Variants in DDX51 observed in about 807,000 individuals in gnomAD.
DDX51 encodes the protein ATP-dependent RNA helicase DDX51.
In DDX51, 67 loss-of-function variants were observed where a neutral mutation model predicts 74.6. The observed-to-expected ratio is 0.90, with a 90% confidence interval of 0.74 to 1.10. The LOEUF is 1.10. Among genes scored for constraint, DDX51 ranks in the 50% least tolerant of loss-of-function variants. The pLI, the probability that DDX51 is intolerant of heterozygous loss-of-function variation, is 0.00. For missense variants in DDX51, 1,056 were observed against 905.2 expected (o/e 1.17, Z -2.14); for synonymous variants, 545 against 402.9 (o/e 1.35, Z -4.22).
At chr12:132,142,558 C>T in intron 3 of DDX51, 136 bp from the exon 4 acceptor site, 1 of 1,473,578 alleles carries the variant, frequency 6.8e-7, no homozygotes, top group South Asian at 1.3e-5. Flanking sequence ...GCACCAAGGC[C>T]CAGAGGAACG....
Position 132,140,826 on chromosome 12 carries a change from C to G in DDX51, c.1440+5G>C, listed in dbSNP as rs773842316. 54 of 1,613,402 alleles carry G rather than the reference C, an allele frequency of 3.3e-5. No individual in the cohort carries two copies. The highest frequency in any genetic ancestry group is 4.4e-5 in the Non-Finnish European group (52 of 1,179,984). On this transcript the variant is annotated splice_donor_5th_base_variant and intron_variant, in intron 9 of 14. Transcript: ENST00000397333. ...AACCCTCTGCCCACACGGTATCCCA[C>G]TCACCGTGAGCCCAACAGGAAAGGC...
In DDX51 at chr12:132,142,811, A is replaced by C. The variant is rs1474689065; in HGVS notation, c.587T>G (p.Leu196Arg). Residue 196 changes from leucine (L) to arginine (R), a missense_variant, in exon 3 of 15, where the codon CTG (leucine) becomes CGG (arginine). Transcript: ENST00000397333. Reference sequence around the variant, plus strand: ...GTCAGGGATGTCCTCGATAGGAACCAGGTCTTCGGTGACATTCCTTCTGAC... The same window carrying C: ...GTCAGGGATGTCCTCGATAGGAACCCGGTCTTCGGTGACATTCCTTCTGAC... ...NCVRRNVTED[L>R]VPIEDIPDVH... 6.2e-7 allele frequency: 1 copy of C among 1,613,080 alleles called. No homozygotes were observed. Among genetic ancestry groups the C allele is most frequent in the South Asian group, 1.1e-5 (1 of 91,086 alleles).
chr12:132,139,338 T>G, intron 14 of DDX51, 40 bp from the exon 15 acceptor site: 2 of 1,600,394 alleles, frequency 1.2e-6, no homozygotes, highest in Non-Finnish European at 1.7e-6. Flanking sequence ...ACACACTCTG[T>G]CCCCTCATCG....
In DDX51 at chr12:132,143,916, G is replaced by A; in HGVS notation, c.305-7C>T. 6.6e-7 allele frequency: 1 copy of A among 1,514,016 alleles called. No individual in the cohort carries two copies. Among genetic ancestry groups the A allele is most frequent in the East Asian group, 2.7e-5 (1 of 37,408 alleles). The allele number at this position is 1,514,016 out of a possible 1,614,324, so 93.8% of individuals were successfully genotyped here. ...GGCGCCTCCTCGTTGCTTTCTGCGA[G>A]GCAGACACCCACCCGGCAGCGCGTC... is the stretch of plus-strand genomic sequence containing the variant. On this transcript the variant is annotated splice_polypyrimidine_tract_variant and splice_region_variant and intron_variant, in intron 1 of 14. Transcript: ENST00000397333.
chr12:132,141,551 C>T lies in DDX51; in HGVS notation c.1051G>A (p.Val351Met), dbSNP rs1357419503. Residue 351 changes from valine to methionine, a missense_variant, in exon 7 of 15, where the codon GTG becomes ATG. By Grantham distance (21) the Val-to-Met change is conservative. Transcript: ENST00000397333. ...DIVVATPGRL[V>M]DHIDQTPGFS... ...CCTGGGGTCTGGTCGATGTGGTCCA[C>T]CAGGCGGCCGGGGGTGGCTACCACG... The T allele has an allele frequency of 6.2e-7, 1 of 1,604,676 alleles. No individual in the cohort carries two copies. The highest frequency in any genetic ancestry group is 1.3e-5 in the African/African-American group (1 of 74,966).
rs768272737 is a variant in DDX51, at chr12:132,139,797, G to C, written c.1840-28C>G. On this transcript the variant is annotated intron_variant, in intron 13 of 14. Transcript: ENST00000397333. ...GGAGAGAAGCTCATGGTGGAAGGGG[G>C]TTCTTGGGCCAGCCCCTTAACACCC... is the stretch of plus-strand genomic sequence containing the variant. 6 of 1,612,872 alleles carry C rather than the reference G, an allele frequency of 3.7e-6. No individual in the cohort carries two copies. In the South Asian group the frequency reaches 6.6e-5, roughly 18 times the overall value.
chr12:132,144,140 G>C lies in DDX51; in HGVS notation c.157C>G (p.Gln53Glu). The change falls in exon 1 of 15, where the codon CAG becomes GAG. Residue 53 changes from glutamine (Q) to glutamate (E), a missense_variant. Gln to Glu is a conservative substitution (Grantham distance 29). Transcript: ENST00000397333. ...TCGGTCGATGCAGCCGCCTCGGTCTGCGCGGGCTCCCGCTGCTGCTGCCGT... is the reference window on the plus strand; with the variant it reads ...TCGGTCGATGCAGCCGCCTCGGTCTCCGCGGGCTCCCGCTGCTGCTGCCGT... ...RERQQQREPA[Q>E]TEAAASTEPA... 8.4e-7 allele frequency: 1 copy of C among 1,188,834 alleles called. No individual in the cohort carries two copies. The highest frequency in any genetic ancestry group is 1.0e-6 in the Non-Finnish European group (1 of 961,240). 73.6% of individuals were successfully genotyped at this position (1,188,834 alleles called of 1,614,324 possible). A position where few individuals can be genotyped will look rare whatever the true frequency, so the allele number is the denominator to read the frequency against.
chr12:132,141,199 G>A (rs1897444723), intron 8 of DDX51, 76 bp downstream of exon 8: 3 of 1,514,768 alleles, frequency 2.0e-6, no homozygotes, highest in East Asian at 2.3e-5. Flanking sequence ...CCTTATCTCT[G>A]GGCATTAAGG....
rs1454180139 is a variant in DDX51, at chr12:132,136,893, ACCTCAGGTGATGCGCCTG to A, written c.*2361_*2378del. Reference sequence around the variant, plus strand: ...TGGCCAGGATGGTCTCGATCTCCTGACCTCAGGTGATGCGCCTGCCTCAGCCTCCCAAAGTGCTGGGAT... The same window carrying A: ...TGGCCAGGATGGTCTCGATCTCCTGACCTCAGCCTCCCAAAGTGCTGGGAT... On this transcript the variant is annotated 3_prime_UTR_variant, in exon 15 of 15. Coordinates refer to ENST00000397333, the MANE Select transcript of DDX51 (RefSeq NM_175066.4). 1 of 152,184 alleles carries A rather than the reference ACCTCAGGTGATGCGCCTG, an allele frequency of 6.6e-6. No individual in the cohort carries two copies. The highest frequency in any genetic ancestry group is 2.4e-5 in the African/African-American group (1 of 41,374). The allele number at this position is 152,184 out of a possible 1,614,324, so 9.4% of individuals were successfully genotyped here.
rs772659636 is a variant in DDX51, at chr12:132,140,754, G to T, written c.1441-19C>A. On this transcript the variant is annotated intron_variant, in intron 9 of 14. Transcript: ENST00000397333. ...AGTGGTGCTACAGGGACGGCAGGGGGTCGGGGTGGAGGTGAGGGTTGGTTA... is the reference window on the plus strand; with the variant it reads ...AGTGGTGCTACAGGGACGGCAGGGGTTCGGGGTGGAGGTGAGGGTTGGTTA... 27 of 1,612,904 alleles carry T rather than the reference G, an allele frequency of 1.7e-5. No individual in the cohort carries two copies. The highest frequency in any genetic ancestry group is 2.7e-5 in the African/African-American group (2 of 74,934).
intron 14 of DDX51, 141 bp downstream of exon 14, chr12:132,139,494 A>G (rs772430488): frequency 1.9e-6 from 3 of 1,569,588 alleles, no homozygotes; most frequent in Non-Finnish European, 2.6e-6. Context: ...CCCTTGGGCC[A>G]GAAGCTCGAG....
rs372914269 is a variant in DDX51 at position 132,140,840 on chromosome 12, A to C, written c.1431T>G (p.Val477=). Residue 477 remains valine (V), a synonymous_variant, in exon 9 of 15, where the codon GTT becomes GTG. Coordinates refer to ENST00000397333, the MANE Select transcript of DDX51 (RefSeq NM_175066.4). The stretch of plus-strand genomic sequence containing the variant: ...ACGGTATCCCACTCACCGTGAGCCC[A>C]ACAGGAAAGGCATACTTCCCCGAAT... ...DGDSGKYAFP[V]GLTHHYVPCS... The C allele has an allele frequency of 4.2e-5, 67 of 1,613,600 alleles. No individual in the cohort carries two copies. The African/African-American group carries it at 6.9e-4, about 17-fold the overall frequency.
chr12:132,141,706 G>A (rs1455812986), intron 6 of DDX51, 100 bp from the exon 7 acceptor site: 2 of 1,471,616 alleles, frequency 1.4e-6, no homozygotes, highest in Non-Finnish European at 1.8e-6. Context: ...ACCCCACATG[G>A]GAAGGGGGCC....
intron 2 of DDX51, chr12:132,143,249 G>C (rs960625642): frequency 2.0e-5 from 8 of 401,510 alleles, no homozygotes; most frequent in African/African-American, 1.4e-4. Flanking sequence ...CCAACTCAAA[G>C]AGAACCTCCT....
In DDX51 at chr12:132,136,820, CGCTCA is replaced by C. The variant is rs1024733905; in HGVS notation, c.*2447_*2451del. On this transcript the variant is annotated 3_prime_UTR_variant, in exon 15 of 15. Transcript: ENST00000397333. ...TTGGGACTCCAGGCACACGCCACCA[CGCTCA>C]GCTAAGTTTTGTATTTTTAGTAGAG... is the stretch of plus-strand genomic sequence containing the variant. 2.0e-5 allele frequency: 3 copies of C among 152,216 alleles called. No individual in the cohort carries two copies. Among genetic ancestry groups the C allele is most frequent in the African/African-American group, 4.8e-5 (2 of 41,426 alleles). 9.4% of individuals were successfully genotyped at this position (152,216 alleles called of 1,614,324 possible).
At position 132,140,748 on chromosome 12, in the gene DDX51, C is replaced by T. The variant is rs186508341; in HGVS notation, c.1441-13G>A. 1 of 1,613,020 alleles carries T rather than the reference C, an allele frequency of 6.2e-7. No individual in the cohort carries two copies. The highest frequency in any genetic ancestry group is 1.3e-5 in the African/African-American group (1 of 75,056). ...GCACGTAGTGGTGCTACAGGGACGG[C>T]AGGGGGTCGGGGTGGAGGTGAGGGT... On this transcript the variant is annotated splice_polypyrimidine_tract_variant and intron_variant, in intron 9 of 14. Coordinates refer to ENST00000397333, the MANE Select transcript of DDX51 (RefSeq NM_175066.4).
chr12:132,143,543 C>T (rs962444680), intron 2 of DDX51, 152 bp downstream of exon 2: 26 of 1,026,978 alleles, frequency 2.5e-5, no homozygotes, highest in African/African-American at 3.3e-5. Context: ...GGATCCAGAC[C>T]CCTAGGCGAT....
At chr12:132,143,525 C>T (rs1196018040) in intron 2 of DDX51, 170 bp downstream of exon 2, 34 of 852,308 alleles carry the variant, frequency 4.0e-5, no homozygotes, top group South Asian at 3.7e-4. Context: ...GGGAGCTCTG[C>T]ACGTGCAGGA....
chr12:132,142,416 G>A lies in DDX51; in HGVS notation c.677C>T (p.Ala226Val). 4 of 1,611,986 alleles carry A rather than the reference G, an allele frequency of 2.5e-6. No individual in the cohort carries two copies. Among genetic ancestry groups the A allele is most frequent in the East Asian group, 2.2e-5 (1 of 44,890 alleles). ...CTCCAGGAGGGCAGGAATCACAGCT[G>A]CCTGGACTGGATGAGGAAAGGCGAG... The part of the protein sequence containing the change: ...HGISSYFPVQ[A>V]AVIPALLESA... The change falls in exon 4 of 15, where the codon GCA becomes GTA. Residue 226 changes from alanine (A) to valine (V), a missense_variant. Transcript: ENST00000397333.
Sources: gnomAD v4.1 joint callset for allele counts on GRCh38, gnomAD v4.1.1 for gene constraint, MANE v1.5 for transcripts, NCBI Gene and HGNC (gene_info 2026-07-23, HGNC 2026-07-21) for gene names.